SH3RF2: variants seen among roughly 807,000 people sequenced by gnomAD.
SH3RF2 encodes the protein E3 ubiquitin-protein ligase SH3RF2.
SH3RF2 carries 43 observed loss-of-function variants against 59.0 expected under a neutral mutation model. That is an observed-to-expected ratio of 0.73 (90% CI 0.57 to 0.94). SH3RF2 has a LOEUF of 0.94. Ranked by LOEUF, SH3RF2 falls within the 40% of genes least tolerant of loss-of-function variation. The pLI is 0.00. For synonymous variants in SH3RF2, 391 were observed against 391.5 expected (o/e 1.00, Z 0.01); for missense variants, 930 against 940.1 (o/e 0.99, Z 0.14).
Position 146,062,618 on chromosome 5 carries a change from C to T in SH3RF2, c.2107C>T (p.Leu703Phe). The T allele has an allele frequency of 1.9e-6, 3 of 1,614,200 alleles. No individual in the cohort carries two copies. Among genetic ancestry groups the T allele is most frequent in the Admixed American group, 1.7e-5 (1 of 60,028 alleles). The change falls in exon 10 of 10, where the codon CTC becomes TTC. Residue 703 changes from leucine (L) to phenylalanine (F), a missense_variant. Leu to Phe is a conservative substitution (Grantham distance 22). Coordinates refer to ENST00000359120, the MANE Select transcript of SH3RF2 (RefSeq NM_152550.4). ...CTGCCACTCCGGACAGCAGACAGAC[C>T]TCCGGAGAAAGTCAGCTCTTGGCAA... Reference protein sequence around the residue: ...SGCHSGQQTDLRRKSALGKAT... With the variant: ...SGCHSGQQTDFRRKSALGKAT...
At chr5:146,026,555 G>T (rs1580880743) in intron 5 of SH3RF2, among the ~76,000 whole-genome samples, 1 of 152,190 alleles carries the variant, frequency 6.6e-6, no homozygotes, top group East Asian at 1.9e-4. Context: ...CATGGTTATT[G>T]TTGTGATTCT....
intron 2 of SH3RF2, among the ~76,000 whole-genome samples, chr5:145,976,704 T>G (rs549781899): frequency 3.7e-4 from 56 of 152,240 alleles, no homozygotes; most frequent in Admixed American, 7.2e-4. Flanking sequence ...ACTTAGCCAC[T>G]GTCACATAGT....
At chr5:146,026,863 T>C (rs1378842729) in intron 5 of SH3RF2, among the ~76,000 whole-genome samples, 1 of 152,198 alleles carries the variant, frequency 6.6e-6, no homozygotes, top group African/African-American at 2.4e-5. Context: ...TTTCATAAGA[T>C]GGCTGCGAGG....
At chr5:145,992,771 T>C (rs1760000216) in intron 2 of SH3RF2, among the ~76,000 whole-genome samples, 1 of 152,082 alleles carries the variant, frequency 6.6e-6, no homozygotes, top group Admixed American at 6.5e-5. Context: ...ACTGGGTCCC[T>C]CCCACAACAT....
In SH3RF2 at chr5:145,958,651, G is replaced by A. The variant is rs934728849; in HGVS notation, c.378+20345G>A. Among the ~76,000 whole-genome samples the A allele has an allele frequency of 5.3e-5, 8 of 152,172 alleles. 1 individual carries two copies. The highest frequency in any genetic ancestry group is 7.3e-5 in the Non-Finnish European group (5 of 68,034). On this transcript the variant is annotated intron_variant, in intron 2 of 9. Transcript: ENST00000359120. ...TACAAATGTGCAGCGTAGGCCTAAC[G>A]AGAAAAATGGAACTTTCCAAGGTCA...
At chr5:145,986,295 G>A (rs1430992215) in intron 2 of SH3RF2, among the ~76,000 whole-genome samples, 1 of 152,178 alleles carries the variant, frequency 6.6e-6, no homozygotes, top group African/African-American at 2.4e-5. Context: ...AGCAACCAGA[G>A]CTTTGCTTTT....
chr5:146,014,143 T>C, intron 5 of SH3RF2, 82 bp downstream of exon 5: 3 of 1,471,094 alleles, frequency 2.0e-6, no homozygotes, highest in East Asian at 4.6e-5. Context: ...ATTTGATGTT[T>C]AGTACTTGCT....
Position 146,047,802 on chromosome 5 carries a change from C to T in SH3RF2, c.1090C>T (p.Pro364Ser), listed in dbSNP as rs1762360509. Residue 364 changes from proline (P) to serine (S), a missense_variant, in exon 6 of 10, where the codon CCA becomes TCA. By Grantham distance (74) the Pro-to-Ser change is moderately conservative. Transcript: ENST00000359120. ...VSTYHPAPVS[P>S]GHSTAVVSLP... is the part of the protein sequence containing the mutation. ...CACTTATCACCCCGCACCTGTCTCT[C>T]CAGGACATTCCACAGCCGTGGTCAG... The T allele has an allele frequency of 1.9e-6, 3 of 1,614,170 alleles. No individual in the cohort carries two copies. The highest frequency in any genetic ancestry group is 4.5e-5 in the East Asian group (2 of 44,880).
intron 5 of SH3RF2, among the ~76,000 whole-genome samples, chr5:146,045,499 AC>A (rs1356082913): frequency 6.6e-6 from 1 of 152,046 alleles, no homozygotes; most frequent in Non-Finnish European, 1.5e-5. Context: ...CATCATCCCA[AC>A]CCTTGGAAAT....
At chr5:146,028,209 C>CAGAGAG (rs1554117631) in intron 5 of SH3RF2, among the ~76,000 whole-genome samples, 55 of 129,072 alleles carry the variant, frequency 4.3e-4, no homozygotes, top group African/African-American at 1.5e-3. Flanking sequence ...CACACACACA[C>CAGAGAG]AGAGATAATT....
chr5:145,992,878 C>T (rs1339856890), intron 2 of SH3RF2, among the ~76,000 whole-genome samples: 1 of 152,148 alleles, frequency 6.6e-6, no homozygotes, highest in African/African-American at 2.4e-5. Context: ...ATTTCAAAAC[C>T]AATCATGCCT....
intron 2 of SH3RF2, among the ~76,000 whole-genome samples, chr5:145,956,876 C>A (rs1242057883): frequency 6.6e-6 from 1 of 152,168 alleles, no homozygotes; most frequent in Non-Finnish European, 1.5e-5. Flanking sequence ...TATATCTGCT[C>A]TCAAACAAAA....
In SH3RF2 at chr5:146,028,067, G is replaced by A. The variant is rs75890781; in HGVS notation, c.1059+14006G>A. On this transcript the variant is annotated intron_variant, in intron 5 of 9. Coordinates refer to ENST00000359120, the MANE Select transcript of SH3RF2 (RefSeq NM_152550.4). ...CAACCCTGCCCGGGTGGAAAAGGGA[G>A]CGGCCTAGCCTGTACCTCAGACATT... Among the ~76,000 whole-genome samples the A allele has an allele frequency of 5.6e-3, 860 of 152,224 alleles. 9 individuals are homozygous for A. Among genetic ancestry groups the A allele is most frequent in the African/African-American group, 0.02 (814 of 41,494 alleles).
chr5:146,000,314 T>C lies in SH3RF2; in HGVS notation c.635T>C (p.Leu212Pro), dbSNP rs751741883. The C allele has an allele frequency of 1.2e-6, 2 of 1,613,136 alleles. No individual in the cohort carries two copies. The highest frequency in any genetic ancestry group is 2.2e-5 in the South Asian group (2 of 90,912). Reference sequence around the variant, plus strand: ...GACAAGAGTGAGAACCAGGATTGCCTGACCTTCCTCAAGGTAGGATTCTGG... The same window carrying C: ...GACAAGAGTGAGAACCAGGATTGCCCGACCTTCCTCAAGGTAGGATTCTGG... ...GKDKSENQDC[L>P]TFLKDDIITV... is the part of the protein sequence containing the mutation. Residue 212 changes from leucine (L) to proline (P), a missense_variant, in exon 3 of 10, where the codon CTG becomes CCG. Transcript: ENST00000359120.
intron 5 of SH3RF2, among the ~76,000 whole-genome samples, chr5:146,019,950 A>G (rs1298727344): frequency 6.6e-6 from 1 of 152,136 alleles, no homozygotes; most frequent in East Asian, 1.9e-4. Context: ...ATTTGTGTAC[A>G]TCGATTTTGT....
intron 2 of SH3RF2, among the ~76,000 whole-genome samples, chr5:145,989,955 T>C (rs575381844): frequency 2.6e-5 from 4 of 152,356 alleles, no homozygotes; most frequent in African/African-American, 7.2e-5. Flanking sequence ...TTTCTGAATT[T>C]TGCTATTTGG....
At chr5:146,069,981 T>TG (rs1156579968) in intron 9 of SH3RF2, among the ~76,000 whole-genome samples, 925 of 29,840 alleles carry the variant, frequency 0.031, 6 homozygotes, top group African/African-American at 0.056. Flanking sequence ...TAATGGAAAC[T>TG]GAAAAAAAAA....
chr5:146,043,728 T>C (rs908559200), intron 5 of SH3RF2: 1 of 152,222 alleles, frequency 6.6e-6, no homozygotes, highest in African/African-American at 2.4e-5. Flanking sequence ...TGGCATTATA[T>C]AGTGTATAGT....
At chr5:146,031,827 C>T (rs1761754760) in intron 5 of SH3RF2, among the ~76,000 whole-genome samples, 1 of 152,202 alleles carries the variant, frequency 6.6e-6, no homozygotes, top group Non-Finnish European at 1.5e-5. Flanking sequence ...CCATCCAAGA[C>T]TGTAGCCTCC....
Sources: gnomAD v4.1 joint callset for allele counts (sites outside exome capture counted in the v4.1 genomes callset) on GRCh38, gnomAD v4.1.1 for gene constraint, MANE v1.5 for transcripts, NCBI Gene and HGNC (gene_info 2026-07-23, HGNC 2026-07-21) for gene names.